The following CDHR2 variants were observed in gnomAD, a reference collection of about 807,000 sequenced individuals.
CDHR2 encodes the protein cadherin-related family member 2.
CDHR2 carries 104 observed loss-of-function variants against 138.6 expected under a neutral mutation model. The observed-to-expected ratio is 0.75, with a 90% CI of 0.64 to 0.88. The LOEUF is 0.88. Ranked by LOEUF, CDHR2 falls within the 40% of genes least tolerant of loss-of-function variation. The probability of loss-of-function intolerance (pLI) is 0.00; values close to 1 mark genes in which losing one functional copy is unlikely to be tolerated. For synonymous variants in CDHR2, 755 were observed against 742.8 expected (o/e 1.02, Z -0.27); for missense variants, 1,624 against 1,727.6 (o/e 0.94, Z 1.06).
Position 176,577,803 on chromosome 5 carries a change from G to A in CDHR2, c.1512+5G>A. ...GTGGTCACCGACAGCATCCACGTGA[G>A]TGATGTGGACACAGTGGGGCTGTGG... On this transcript the variant is annotated splice_donor_5th_base_variant and intron_variant, in intron 14 of 31. Transcript: ENST00000261944. The A allele has an allele frequency of 6.2e-7, 1 of 1,613,876 alleles. No homozygotes were observed. The highest frequency in any genetic ancestry group is 8.5e-7 in the Non-Finnish European group (1 of 1,179,852).
At chr5:176,557,999 C>A (rs1301133607) in intron 1 of CDHR2, among the ~76,000 whole-genome samples, 1 of 152,144 alleles carries the variant, frequency 6.6e-6, no homozygotes, top group Non-Finnish European at 1.5e-5. Flanking sequence ...AGCCACCGAG[C>A]CTGGCCTATC....
intron 17 of CDHR2, among the ~76,000 whole-genome samples, chr5:176,583,006 G>C (rs1758564812): frequency 6.6e-6 from 1 of 152,246 alleles, no homozygotes; most frequent in Non-Finnish European, 1.5e-5. Flanking sequence ...TAGCAGCCCT[G>C]TGTCCCCTGG....
Position 176,543,450 on chromosome 5 carries a change from G to A in CDHR2, c.-16+681G>A, listed in dbSNP as rs749244730. The A allele has an allele frequency of 1.3e-5, 2 of 151,842 alleles. No individual in the cohort carries two copies. The highest frequency in any genetic ancestry group is 1.9e-4 in the East Asian group (1 of 5,138). The allele number at this position is 151,842 out of a possible 1,614,324, so 9.4% of individuals were successfully genotyped here. On this transcript the variant is annotated intron_variant, in intron 1 of 31. Transcript: ENST00000510636. The surrounding 1 kb of genome is among the most constrained non-coding windows in gnomAD (Gnocchi z 4.0). Reference sequence around the variant, plus strand: ...CCCACACCGGCTGCGCAGCTTCCAGGACCCCCGCCCCGGCCCCGCGCGAAT... The same window carrying A: ...CCCACACCGGCTGCGCAGCTTCCAGAACCCCCGCCCCGGCCCCGCGCGAAT...
At position 176,573,224 on chromosome 5, in the gene CDHR2, C is replaced by T. The variant is rs1318679976; in HGVS notation, c.406-859C>T. 2.0e-5 allele frequency among the ~76,000 whole-genome samples: 3 copies of T among 151,436 alleles called. No homozygotes were observed. In the East Asian group the frequency reaches 5.8e-4, roughly 29 times the overall value. On this transcript the variant is annotated intron_variant, in intron 6 of 31. Coordinates refer to ENST00000261944, the MANE Select transcript of CDHR2 (RefSeq NM_017675.6). ...CAGGTCAGAGAGGCGAGTGGCAGCC[C>T]AGGCTCGAAGGAGTCTGGACTGTGA...
At chr5:176,577,199 G>T (rs1209973254) in intron 12 of CDHR2, among the ~76,000 whole-genome samples, 200 bp from the exon 13 acceptor site, 1 of 152,132 alleles carries the variant, frequency 6.6e-6, no homozygotes, top group African/African-American at 2.4e-5. Context: ...TGCCTAGGGA[G>T]CTGTCTTCTA....
At position 176,555,579 on chromosome 5, in the gene CDHR2, G is replaced by A. The variant is rs115312314; in HGVS notation, c.-16+6165G>A. Among the ~76,000 whole-genome samples the A allele has an allele frequency of 4.8e-3, 727 of 152,202 alleles. 7 individuals carry two copies. The highest frequency in any genetic ancestry group is 0.017 in the African/African-American group (689 of 41,530). The stretch of plus-strand genomic sequence containing the variant: ...ACAGCAGCCAGAAAGGTCTTAAGAG[G>A]AAATTACTGCCTGCCACTCCCCTGC... On this transcript the variant is annotated intron_variant, in intron 1 of 31. Transcript: ENST00000261944.
At chr5:176,556,495 T>C (rs1268505192) in intron 1 of CDHR2, among the ~76,000 whole-genome samples, 1 of 152,116 alleles carries the variant, frequency 6.6e-6, no homozygotes, top group Non-Finnish European at 1.5e-5. Flanking sequence ...TGAAACCCAG[T>C]CTCTACTAAA....
chr5:176,567,249 C>T (rs909246200), intron 3 of CDHR2: 3 of 243,518 alleles, frequency 1.2e-5, no homozygotes, highest in African/African-American at 7.0e-5. Flanking sequence ...CTCACTTCAG[C>T]CTCGACCTCC....
At chr5:176,581,997 C>G (rs1221564932) in intron 17 of CDHR2, among the ~76,000 whole-genome samples, 2 of 152,088 alleles carry the variant, frequency 1.3e-5, no homozygotes, top group Non-Finnish European at 2.9e-5. Flanking sequence ...TGGTTATTAC[C>G]ATTTTGTTTT....
intron 20 of CDHR2, 28 bp downstream of exon 20, chr5:176,586,053 T>C: frequency 1.3e-6 from 2 of 1,590,512 alleles, no homozygotes; most frequent in South Asian, 2.2e-5. Flanking sequence ...TCACACACCA[T>C]ACCCCTGCTC....
chr5:176,546,610 A>G (rs911259548), upstream of CDHR2, among the ~76,000 whole-genome samples: 1 of 152,106 alleles, frequency 6.6e-6, no homozygotes, highest in Admixed American at 6.6e-5. Flanking sequence ...TAAAAAAAAT[A>G]ATAAAAATAA....
chr5:176,580,964 T>TA (rs2113309325), intron 16 of CDHR2, among the ~76,000 whole-genome samples: 1 of 143,048 alleles, frequency 7.0e-6, no homozygotes, highest in South Asian at 2.5e-4. Context: ...ACTTCACACT[T>TA]ATGAGTTTAA....
intron 6 of CDHR2, among the ~76,000 whole-genome samples, chr5:176,573,259 A>G (rs1758276403): frequency 6.6e-6 from 1 of 151,092 alleles, no homozygotes; most frequent in South Asian, 2.1e-4. Flanking sequence ...ATCTGGGCAG[A>G]ATGGGGGGAC....
upstream of CDHR2, among the ~76,000 whole-genome samples, chr5:176,546,149 C>G (rs532237064): frequency 7.9e-5 from 12 of 152,324 alleles, no homozygotes; most frequent in South Asian, 2.5e-3. Flanking sequence ...CTGGTTAAGC[C>G]ACCAGCGATG....
At chr5:176,578,730 GTC>G (rs1758463678) in intron 16 of CDHR2, 122 bp downstream of exon 16, 6 of 1,345,520 alleles carry the variant, frequency 4.5e-6, no homozygotes, top group African/African-American at 2.9e-5. Flanking sequence ...GTCACTCAGA[GTC>G]TCTGTTTCCT....
chr5:176,544,399 CTTCT>C (rs1419754316), upstream of CDHR2, among the ~76,000 whole-genome samples: 1 of 99,366 alleles, frequency 1.0e-5, no homozygotes, highest in Admixed American at 1.1e-4. Flanking sequence ...TTTTTTCTTT[CTTCT>C]ATTTCCTTTC....
chr5:176,584,109 A>G (rs1210249584), intron 17 of CDHR2, 81 bp from the exon 18 acceptor site: 1 of 1,176,566 alleles, frequency 8.5e-7, no homozygotes, highest in East Asian at 2.4e-5. Context: ...GCCTTGGAGC[A>G]CAGGGATTAT....
intron 5 of CDHR2, 146 bp from the exon 6 acceptor site, chr5:176,571,067 A>C: frequency 2.6e-6 from 1 of 377,376 alleles, no homozygotes; most frequent in South Asian, 6.7e-5. Flanking sequence ...AAAAAAAAAA[A>C]AGCCCCCAAA....
Position 176,577,626 on chromosome 5 carries a change from C to G in CDHR2, c.1351-11C>G, listed in dbSNP as rs776189773. 5 of 1,614,056 alleles carry G rather than the reference C, an allele frequency of 3.1e-6. No homozygotes were observed. In the African/African-American group the frequency reaches 5.3e-5, roughly 17 times the overall value. ...GGGCCCCACAGCTGCTGCCTCCTCC[C>G]CTGCCCCCAGGTTGTGGCCACAGAC... On this transcript the variant is annotated splice_polypyrimidine_tract_variant and intron_variant, in intron 13 of 31. Coordinates refer to ENST00000261944, the MANE Select transcript of CDHR2 (RefSeq NM_017675.6).
Sources: gnomAD v4.1 joint callset for allele counts (sites outside exome capture counted in the v4.1 genomes callset) on GRCh38, gnomAD v4.1.1 for gene constraint, Gnocchi (gnomAD v3.1) non-coding constraint, MANE v1.5 for transcripts, NCBI Gene and HGNC (gene_info 2026-07-23, HGNC 2026-07-21) for gene names.